Variants in METTL9 observed in about 807,000 individuals in gnomAD.
The protein encoded by METTL9 is protein-L-histidine N-pros-methyltransferase.
In METTL9, 10 loss-of-function variants were observed where a neutral mutation model predicts 36.0. The observed-to-expected ratio is 0.28, with a 90% CI of 0.17 to 0.47. The LOEUF is 0.47. METTL9 is among the 20% of genes least tolerant of loss of function. METTL9 has a pLI of 0.99. For missense variants in METTL9, 246 were observed against 383.5 expected, an observed-to-expected ratio of 0.64 and a Z score of 3.00; for synonymous variants, 175 against 149.7, an observed-to-expected ratio of 1.17 and a Z score of -1.23.
At position 21,652,567 on chromosome 16, in the gene METTL9, C is replaced by T. The variant is rs368774015; in HGVS notation, c.752-2660C>T. 2.2e-5 allele frequency: 35 copies of T among 1,610,462 alleles called. No homozygotes were observed. The African/African-American group carries it at 2.3e-4, about 10-fold the overall frequency. On this transcript the variant is annotated intron_variant, in intron 4 of 4. Coordinates refer to ENST00000358154, the MANE Select transcript of METTL9 (RefSeq NM_016025.5). ...TAGAATGAGATTGGTTTGCAGATGG[C>T]GAGCGATGTTGCTTCTGCTCGCAGT...
rs185784595 is a variant in METTL9, at chr16:21,623,954, A to G, written c.567-977A>G. Among the ~76,000 whole-genome samples, 209 of 152,218 alleles carry G rather than the reference A, an allele frequency of 1.4e-3. 1 individual carries two copies. The highest frequency in any genetic ancestry group is 4.4e-3 in the African/African-American group (182 of 41,536). On this transcript the variant is annotated intron_variant, in intron 3 of 4. Coordinates refer to ENST00000358154, the MANE Select transcript of METTL9 (RefSeq NM_016025.5). The stretch of plus-strand genomic sequence containing the variant: ...CCCAGCTAATTTTTGTATTTTTAGT[A>G]GAGACAGTGTTTCACCATGTTGGCC...
intron 2 of METTL9, among the ~76,000 whole-genome samples, chr16:21,617,437 A>AC (rs199713861): frequency 0.02 from 2,890 of 143,932 alleles, 111 homozygotes; most frequent in African/African-American, 0.071. Flanking sequence ...AAAAAGAAAA[A>AC]AAAAATTAGG....
chr16:21,640,316 G>A (rs1171003675), intron 4 of METTL9: 1 of 151,880 alleles, frequency 6.6e-6, no homozygotes, highest in Non-Finnish European at 1.5e-5. Context: ...GCATACTTAT[G>A]GGCACTTTAG....
intron 4 of METTL9, among the ~76,000 whole-genome samples, chr16:21,645,411 C>A (rs1315197892): frequency 6.6e-6 from 1 of 152,086 alleles, no homozygotes; most frequent in East Asian, 1.9e-4. Context: ...GAGCTGAGAT[C>A]ACGCCACGGC....
chr16:21,649,863 C>T (rs904137985), intron 4 of METTL9, among the ~76,000 whole-genome samples: 11 of 152,194 alleles, frequency 7.2e-5, no homozygotes, highest in African/African-American at 2.6e-4. Context: ...TGTGCACCAC[C>T]ACGCCTGGCT....
Position 21,599,868 on chromosome 16 carries a change from G to A in METTL9, c.135G>A (p.Ala45=). 3 of 1,480,798 alleles carry A rather than the reference G, an allele frequency of 2.0e-6. No individual in the cohort carries two copies. The highest frequency in any genetic ancestry group is 1.3e-5 in the South Asian group (1 of 78,388). The allele number at this position is 1,480,798 out of a possible 1,614,324, so 91.7% of individuals were successfully genotyped here. Residue 45 remains alanine (A), a synonymous_variant, in exon 1 of 5, where the codon GCG becomes GCA. Transcript: ENST00000358154. The surrounding 1 kb of genome is among the most constrained non-coding windows in gnomAD (Gnocchi z 4.4). ...CTAGCGGCCCGGGTGGGCCGGCGGC[G>A]GCCGCGGGCGGCAGGAAGGAGAACC... is the stretch of plus-strand genomic sequence containing the variant. ...NMTSGPGGPA[A]AAGGRKENHQ... is the part of the protein sequence containing the mutation.
chr16:21,647,117 A>G (rs777054630), intron 4 of METTL9: 5 of 1,614,180 alleles, frequency 3.1e-6, no homozygotes, highest in Non-Finnish European at 4.2e-6. Flanking sequence ...ACTGAAATAA[A>G]GCCTCGCTGA....
intron 1 of METTL9, among the ~76,000 whole-genome samples, chr16:21,611,396 G>A (rs1376561166): frequency 6.6e-6 from 1 of 152,182 alleles, no homozygotes; most frequent in Non-Finnish European, 1.5e-5. Context: ...CTTATGGGAC[G>A]TCTACTGCTG....
intron 4 of METTL9, chr16:21,652,549 A>G (rs753956942): frequency 1.2e-6 from 2 of 1,611,334 alleles, no homozygotes; most frequent in Admixed American, 1.7e-5. Flanking sequence ...AAATAGAATG[A>G]GATTGGTTTG....
In METTL9 at chr16:21,641,679, C is replaced by T. The variant is rs1255273650; in HGVS notation, c.752-13548C>T. ...CCAAGGAACATGCAAACCACTGGGCCATCTTGGATTCTGGGTCCTAAGTGT... is the reference window on the plus strand; with the variant it reads ...CCAAGGAACATGCAAACCACTGGGCTATCTTGGATTCTGGGTCCTAAGTGT... On this transcript the variant is annotated intron_variant, in intron 4 of 4. Transcript: ENST00000358154. 3 of 731,970 alleles carry T rather than the reference C, an allele frequency of 4.1e-6. No individual in the cohort carries two copies. In the African/African-American group the frequency reaches 5.5e-5, roughly 13 times the overall value. 45.3% of individuals were successfully genotyped at this position (731,970 alleles called of 1,614,324 possible). A position where few individuals can be genotyped will look rare whatever the true frequency, so the allele number is the denominator to read the frequency against.
chr16:21,652,462 A>T, intron 4 of METTL9: 1 of 1,215,650 alleles, frequency 8.2e-7, no homozygotes, highest in Non-Finnish European at 1.2e-6. Flanking sequence ...AGCTTAAAAT[A>T]TAAATGCATT....
At chr16:21,612,888 G>GA in intron 2 of METTL9, 53 bp downstream of exon 2, 1 of 1,444,250 alleles carries the variant, frequency 6.9e-7, no homozygotes, top group South Asian at 1.4e-5. Context: ...TTTACAAAAG[G>GA]AAAAACACAA....
At chr16:21,646,946 G>A (rs1966444005) in intron 4 of METTL9, 5 of 728,694 alleles carry the variant, frequency 6.9e-6, no homozygotes, top group African/African-American at 3.5e-5. Context: ...GAGCCACCAC[G>A]CCCAGCCAGT....
chr16:21,644,436 A>G (rs192529640), intron 4 of METTL9: 81 of 1,399,180 alleles, frequency 5.8e-5, no homozygotes, highest in Non-Finnish European at 6.9e-5. Context: ...TGACTATTAA[A>G]GCCTATTCTT....
intron 1 of METTL9, among the ~76,000 whole-genome samples, chr16:21,603,407 G>A (rs1965189028): frequency 6.6e-6 from 1 of 152,098 alleles, no homozygotes; most frequent in South Asian, 2.1e-4. Context: ...CCAAAGTGCT[G>A]GAATTACAGG....
intron 4 of METTL9, among the ~76,000 whole-genome samples, chr16:21,635,359 G>C (rs1266916352): frequency 6.6e-6 from 1 of 152,080 alleles, no homozygotes; most frequent in African/African-American, 2.4e-5. Context: ...CTTCTGGGCA[G>C]GGGAGATTAG....
chr16:21,611,115 A>C (rs963543708), intron 1 of METTL9, among the ~76,000 whole-genome samples: 4 of 152,220 alleles, frequency 2.6e-5, no homozygotes, highest in Non-Finnish European at 5.9e-5. Flanking sequence ...AAATAAAAAC[A>C]GTTTTATATA....
At chr16:21,655,196 G>T (rs756624862) in intron 4 of METTL9, 31 bp from the exon 5 acceptor site, 11 of 1,591,098 alleles carry the variant, frequency 6.9e-6, no homozygotes, top group Admixed American at 3.4e-5. Context: ...GTTTGTTCAA[G>T]AATTTAACTG....
At chr16:21,626,345 G>A (rs1394521832) in intron 4 of METTL9, among the ~76,000 whole-genome samples, 1 of 152,162 alleles carries the variant, frequency 6.6e-6, no homozygotes, top group African/African-American at 2.4e-5. Flanking sequence ...ATGTCTTAAG[G>A]AATAATGCCC....
Sources: allele counts gnomAD v4.1 joint callset (sites outside exome capture counted in the v4.1 genomes callset), GRCh38; gene constraint gnomAD v4.1.1; non-coding constraint Gnocchi (gnomAD v3.1); transcripts MANE v1.5; gene names NCBI Gene and HGNC (gene_info 2026-07-23, HGNC 2026-07-21).